CNN2: variants seen among roughly 807,000 people sequenced by gnomAD.
The protein encoded by CNN2 is calponin-2.
A neutral mutation model predicts 31.0 loss-of-function variants in CNN2; 21 were observed. The ratio of observed to expected loss-of-function variants is 0.68; its 90% CI spans 0.48 to 0.98. The LOEUF (loss-of-function observed/expected upper bound fraction) is 0.98, where lower values mean the gene tolerates loss of function less well. Among genes scored for constraint, CNN2 ranks in the 50% least tolerant of loss-of-function variants. CNN2 has a pLI of 0.00. For missense variants in CNN2, 399 were observed against 427.3 expected (o/e 0.93, Z 0.58); for synonymous variants, 165 against 179.6 (o/e 0.92, Z 0.65).
chr19:1,033,671 C>T (rs1222619918), intron 4 of CNN2, among the ~76,000 whole-genome samples: 2 of 101,476 alleles, frequency 2.0e-5, no homozygotes, highest in Non-Finnish European at 4.0e-5. Context: ...TGGTGTAGAC[C>T]GGGAGCGTGG....
At chr19:1,028,950 G>GT (rs755075083) in intron 1 of CNN2, among the ~76,000 whole-genome samples, 13 of 152,248 alleles carry the variant, frequency 8.5e-5, no homozygotes, top group Non-Finnish European at 1.6e-4. Context: ...GCTACGAGCT[G>GT]TTTCCAGGCA....
chr19:1,036,740 C>A, intron 6 of CNN2, 178 bp downstream of exon 6: 1 of 742,068 alleles, frequency 1.3e-6, no homozygotes, highest in Non-Finnish European at 2.3e-6. Flanking sequence ...CAGCCTCTGT[C>A]ATTTCCACCT....
Position 1,031,339 on chromosome 19 carries a change from GGC to G in CNN2, c.185+149_185+150del, listed in dbSNP as rs1568171444. On this transcript the variant is annotated intron_variant, in intron 2 of 6. Coordinates refer to ENST00000263097, the MANE Select transcript of CNN2 (RefSeq NM_004368.4). Reference sequence around the variant, plus strand: ...AGCACTTTTGGAGGCCGAGGGTGGTGGCGGGGGGCGGTGGATCTCGAGGTCAG... The same window carrying G: ...AGCACTTTTGGAGGCCGAGGGTGGTGGGGGGGCGGTGGATCTCGAGGTCAG... 137 of 252,550 alleles carry G rather than the reference GGC, an allele frequency of 5.4e-4. 9 individuals are homozygous for G. The highest frequency in any genetic ancestry group is 7.0e-4 in the Non-Finnish European group (103 of 146,864). 15.6% of individuals were successfully genotyped at this position (252,550 alleles called of 1,614,324 possible). A position where few individuals can be genotyped will look rare whatever the true frequency, so the allele number is the denominator to read the frequency against.
At chr19:1,030,728 C>T (rs901098639) in intron 1 of CNN2, among the ~76,000 whole-genome samples, 5 of 152,280 alleles carry the variant, frequency 3.3e-5, no homozygotes, top group African/African-American at 9.6e-5. Flanking sequence ...TGGTAAACGT[C>T]AGGTGTGATA....
At chr19:1,030,977 G>A in intron 1 of CNN2, 94 bp from the exon 2 acceptor site, 1 of 1,451,614 alleles carries the variant, frequency 6.9e-7, no homozygotes, top group Non-Finnish European at 9.2e-7. Flanking sequence ...CTGTTGCCCT[G>A]GAGTCCCCGG....
intron 4 of CNN2, 170 bp from the exon 5 acceptor site, chr19:1,035,960 G>A (rs117743884): frequency 0.016 from 14,919 of 945,990 alleles, 612 homozygotes; most frequent in East Asian, 0.15. Context: ...TGTATGATGG[G>A]TGTGTGGAGT....
At chr19:1,032,904 G>A (rs910794517) in intron 4 of CNN2, 19 of 490,604 alleles carry the variant, frequency 3.9e-5, no homozygotes, top group Middle Eastern at 5.8e-4. Flanking sequence ...TCAGTCTCCC[G>A]AGTAGCTGGG....
chr19:1,026,619 G>T lies in CNN2; in HGVS notation c.-43G>T. On this transcript the variant is annotated 5_prime_UTR_variant, in exon 1 of 7. Transcript: ENST00000263097. ...CGCGCCAGCCCGGCGGTCCCGTCCC[G>T]TCCCGTCCTGTGCGGCCCCGTCCCG... 1 of 1,489,250 alleles carries T rather than the reference G, an allele frequency of 6.7e-7. No homozygotes were observed. Among genetic ancestry groups the T allele is most frequent in the Non-Finnish European group, 9.0e-7 (1 of 1,112,944 alleles). 92.3% of individuals were successfully genotyped at this position (1,489,250 alleles called of 1,614,324 possible). A position where few individuals can be genotyped will look rare whatever the true frequency, so the allele number is the denominator to read the frequency against.
chr19:1,029,996 G>GC (rs1384271179), intron 1 of CNN2, among the ~76,000 whole-genome samples: 1 of 152,058 alleles, frequency 6.6e-6, no homozygotes, highest in Non-Finnish European at 1.5e-5. Flanking sequence ...ACCGCACCCA[G>GC]CCCAAACCCT....
rs202004394 is a variant in CNN2 at position 1,037,862 on chromosome 19, G to C, written c.892G>C (p.Glu298Gln). The change falls in exon 7 of 7, where the codon GAA (glutamate) becomes CAA (glutamine). Residue 298 changes from glutamate to glutamine, a missense_variant. By Grantham distance (29) the Glu-to-Gln change is conservative. Transcript: ENST00000263097. ...GDCPDPGEVP[E>Q]YPPYYQEEAG... ...CTGCCCGGACCCGGGGGAGGTCCCT[G>C]AATATCCCCCTTACTACCAGGAGGA... is the stretch of plus-strand genomic sequence containing the variant. The C allele has an allele frequency of 4.4e-6, 7 of 1,601,140 alleles. No individual in the cohort carries two copies. The highest frequency in any genetic ancestry group is 6.0e-6 in the Non-Finnish European group (7 of 1,172,034).
intron 1 of CNN2, among the ~76,000 whole-genome samples, chr19:1,027,646 C>T (rs2039420136): frequency 6.6e-6 from 1 of 152,084 alleles, no homozygotes; most frequent in Non-Finnish European, 1.5e-5. Context: ...AAGTGGGGGG[C>T]GGGGGTTGTG....
In CNN2 at chr19:1,033,813, G is replaced by C. The variant is rs2455158; in HGVS notation, c.390+1117G>C. ...GTGGGACACGGTGTCTGGTGTAGAC[G>C]GGGAGCGTGGGTGGGACGGTGTCTG... On this transcript the variant is annotated intron_variant, in intron 4 of 6. Coordinates refer to ENST00000263097, the MANE Select transcript of CNN2 (RefSeq NM_004368.4). Among the ~76,000 whole-genome samples, 10 of 25,152 alleles carry C rather than the reference G, an allele frequency of 4.0e-4. 1 individual carries two copies. Among genetic ancestry groups the C allele is most frequent in the African/African-American group, 1.3e-3 (7 of 5,192 alleles). 16.5% of individuals were successfully genotyped at this position (25,152 alleles called of 152,430 possible).
In CNN2 at chr19:1,026,707, G is replaced by A. The variant is rs753851088; in HGVS notation, c.46G>A (p.Ala16Thr). Residue 16 changes from alanine to threonine, a missense_variant, in exon 1 of 7, where the codon GCC (alanine) becomes ACC (threonine). Physicochemically the swap from Ala to Thr is moderately conservative, Grantham distance 58. Transcript: ENST00000263097. ...CAAGGGCCCCTCGTACGGGCTGTCG[G>A]CCGAGGTCAAGAACCGGGTGAGTGA... ...FNKGPSYGLSAEVKNRLLSKY... is the reference protein window; with the variant it reads ...FNKGPSYGLSTEVKNRLLSKY... 6.4e-7 allele frequency: 1 copy of A among 1,550,950 alleles called. No homozygotes were observed. The highest frequency in any genetic ancestry group is 1.2e-5 in the South Asian group (1 of 84,264).
In CNN2 at chr19:1,031,157, C is replaced by T. The variant is rs753260458; in HGVS notation, c.150C>T (p.Phe50=). The change falls in exon 2 of 7, where the codon TTC becomes TTT. Residue 50 remains phenylalanine, a synonymous_variant. Transcript: ENST00000263097. ...GLTGLSIGPD[F]QKGLKDGTIL... ...CCGGCCTCTCCATCGGCCCCGACTT[C>T]CAGAAGGGCCTGAAGGATGGAACTA... 6.2e-7 allele frequency: 1 copy of T among 1,613,182 alleles called. No individual in the cohort carries two copies. The highest frequency in any genetic ancestry group is 8.5e-7 in the Non-Finnish European group (1 of 1,179,808).
rs151328473 is a variant in CNN2, at chr19:1,032,689, C to G, written c.383C>G (p.Ala128Gly). The change falls in exon 4 of 7, where the codon GCG (alanine) becomes GGG (glycine). Residue 128 changes from alanine (A) to glycine (G), a missense_variant. By Grantham distance (60) the Ala-to-Gly change is moderately conservative. Coordinates refer to ENST00000263097, the MANE Select transcript of CNN2 (RefSeq NM_004368.4). ...GTGCAGGTGTCTCTTCTCGCCCTGG[C>G]GGGGAAGGTGAGGCCCAGAGAGGGG... Reference protein sequence around the residue: ...TQVQVSLLALAGKAKTKGLQS... With the variant: ...TQVQVSLLALGGKAKTKGLQS... The G allele has an allele frequency of 6.2e-7, 1 of 1,608,940 alleles. No individual in the cohort carries two copies. Among genetic ancestry groups the G allele is most frequent in the Non-Finnish European group, 8.5e-7 (1 of 1,178,354 alleles).
chr19:1,031,277 G>A lies in CNN2; in HGVS notation c.185+85G>A, dbSNP rs549340409. 6.9e-5 allele frequency: 93 copies of A among 1,342,494 alleles called. 3 individuals are homozygous for A. In the South Asian group the frequency reaches 1.0e-3, roughly 15 times the overall value. 83.2% of individuals were successfully genotyped at this position (1,342,494 alleles called of 1,614,324 possible). On this transcript the variant is annotated intron_variant, in intron 2 of 6. Coordinates refer to ENST00000263097, the MANE Select transcript of CNN2 (RefSeq NM_004368.4). ...TTTTTTCTTAATTAAGAAATTTTTG[G>A]GGGGCCGGGCATGGCCTGGCTCATG...
intron 6 of CNN2, chr19:1,037,344 G>A: frequency 2.5e-6 from 1 of 397,700 alleles, no homozygotes; most frequent in Non-Finnish European, 4.6e-6. Flanking sequence ...CACCGTGTTG[G>A]CCAGGCTGGT....
At chr19:1,032,483 G>A in intron 3 of CNN2, 25 bp downstream of exon 3, 1 of 1,613,628 alleles carries the variant, frequency 6.2e-7, no homozygotes, top group Non-Finnish European at 8.5e-7. Context: ...GAGCGGAGCA[G>A]GGATGGTGCT....
In CNN2 at chr19:1,036,042, G is replaced by A. The variant is rs777209083; in HGVS notation, c.391-88G>A. Reference sequence around the variant, plus strand: ...GCGGCAGGCAGAGGTGACAGGCCGCGGCCTGGTCTCTGTCCCGCCCCCAGG... The same window carrying A: ...GCGGCAGGCAGAGGTGACAGGCCGCAGCCTGGTCTCTGTCCCGCCCCCAGG... On this transcript the variant is annotated intron_variant, in intron 4 of 6. Transcript: ENST00000263097. The A allele has an allele frequency of 1.8e-5, 26 of 1,473,570 alleles. No homozygotes were observed. In the East Asian group the frequency reaches 3.2e-4, roughly 18 times the overall value. 91.3% of individuals were successfully genotyped at this position (1,473,570 alleles called of 1,614,324 possible). A position where few individuals can be genotyped will look rare whatever the true frequency, so the allele number is the denominator to read the frequency against.
Sources: gnomAD v4.1 joint callset for allele counts (sites outside exome capture counted in the v4.1 genomes callset) on GRCh38, gnomAD v4.1.1 for gene constraint, MANE v1.5 for transcripts, NCBI Gene and HGNC (gene_info 2026-07-23, HGNC 2026-07-21) for gene names.